Variants in NPAS3 observed in about 807,000 individuals in gnomAD.
NPAS3 encodes neuronal PAS domain protein 3.
Under a neutral mutation model 73.1 loss-of-function variants are expected in NPAS3, and 14 were observed. The ratio of observed to expected loss-of-function variants is 0.19; its 90% CI spans 0.13 to 0.30. NPAS3 has a LOEUF of 0.30. Ranked by LOEUF, NPAS3 falls within the 10% of genes least tolerant of loss-of-function variation. The pLI is 1.00. For synonymous variants in NPAS3, 620 were observed against 541.5 expected (o/e 1.14, Z -2.01); for missense variants, 1,096 against 1,250.0 (o/e 0.88, Z 1.86).
intron 1 of NPAS3, 85 bp from the exon 2 acceptor site, chr14:33,055,820 G>C (rs1389953030): frequency 1.4e-6 from 1 of 715,382 alleles, no homozygotes; most frequent in African/African-American, 1.8e-5. Flanking sequence ...AAAATATATT[G>C]AATTTCAACA....
At chr14:33,275,274 C>T (rs994606226) in intron 3 of NPAS3, among the ~76,000 whole-genome samples, 3 of 152,096 alleles carry the variant, frequency 2.0e-5, no homozygotes, top group Non-Finnish European at 4.4e-5. Flanking sequence ...TTTTATTACT[C>T]GTTAGCCACT....
At chr14:33,766,571 G>A (rs763042405) in intron 7 of NPAS3, among the ~76,000 whole-genome samples, 9 of 152,122 alleles carry the variant, frequency 5.9e-5, no homozygotes, top group Non-Finnish European at 1.3e-4. Flanking sequence ...CTGCCCTTAA[G>A]TTGAGCCCAC....
chr14:33,041,720 G>C (rs1044861012), intron 1 of NPAS3, among the ~76,000 whole-genome samples: 1 of 152,152 alleles, frequency 6.6e-6, no homozygotes, highest in Non-Finnish European at 1.5e-5. Flanking sequence ...GGAGATGAGA[G>C]ATCAGCCTCA....
At chr14:33,682,493 T>C (rs2059967490) in intron 6 of NPAS3, among the ~76,000 whole-genome samples, 1 of 152,226 alleles carries the variant, frequency 6.6e-6, no homozygotes, top group South Asian at 2.1e-4. Flanking sequence ...AGATGATGGG[T>C]GCACTCCAAA....
intron 2 of NPAS3, among the ~76,000 whole-genome samples, chr14:33,167,054 G>T (rs2045188074): frequency 6.6e-6 from 1 of 151,886 alleles, no homozygotes; most frequent in African/African-American, 2.4e-5. Context: ...TTTTCATATT[G>T]GAAATATTTC....
At chr14:33,224,982 T>C (rs997779509) in intron 3 of NPAS3, among the ~76,000 whole-genome samples, 2 of 152,154 alleles carry the variant, frequency 1.3e-5, no homozygotes, top group African/African-American at 2.4e-5. Flanking sequence ...AAAAAATCAC[T>C]AGAATTCACT....
intron 4 of NPAS3, among the ~76,000 whole-genome samples, chr14:33,384,147 TA>T (rs547035540): frequency 2.6e-3 from 371 of 140,218 alleles, no homozygotes; most frequent in African/African-American, 9.8e-3. Flanking sequence ...TTGCTGAAGT[TA>T]AAAAGAAGCA....
intron 3 of NPAS3, among the ~76,000 whole-genome samples, chr14:33,343,322 C>T (rs750872254): frequency 2.0e-5 from 3 of 152,172 alleles, no homozygotes; most frequent in Admixed American, 6.5e-5. Flanking sequence ...CCCAACATTA[C>T]AGCATAACTG....
At chr14:33,080,939 G>T (rs1055688957) in intron 2 of NPAS3, among the ~76,000 whole-genome samples, 27 of 152,180 alleles carry the variant, frequency 1.8e-4, no homozygotes, top group African/African-American at 6.3e-4. Context: ...ACTATTTCCT[G>T]AAGTGTTTCC....
intron 4 of NPAS3, among the ~76,000 whole-genome samples, chr14:33,505,815 T>A (rs1382819616): frequency 6.6e-6 from 1 of 151,954 alleles, no homozygotes; most frequent in African/African-American, 2.4e-5. Context: ...CTGATTGGCC[T>A]CCATCTCCCC....
intron 2 of NPAS3, among the ~76,000 whole-genome samples, chr14:33,118,412 TACATGTTTTTC>T (rs1186172617): frequency 6.6e-6 from 1 of 152,240 alleles, no homozygotes; most frequent in East Asian, 1.9e-4. Context: ...GGAAGAACTA[TACATGTTTTTC>T]ACAATAAATT....
At chr14:33,461,619 C>T (rs1427147112) in intron 4 of NPAS3, among the ~76,000 whole-genome samples, 1 of 152,198 alleles carries the variant, frequency 6.6e-6, no homozygotes, top group Non-Finnish European at 1.5e-5. Flanking sequence ...GTATTCCCTA[C>T]GTGACTGTTA....
intron 4 of NPAS3, among the ~76,000 whole-genome samples, chr14:33,507,709 TTC>T (rs2052835696): frequency 6.6e-6 from 1 of 152,060 alleles, no homozygotes; most frequent in South Asian, 2.1e-4. Flanking sequence ...AATTATCGAG[TTC>T]TGTTTGCAAA....
intron 4 of NPAS3, among the ~76,000 whole-genome samples, chr14:33,422,220 C>T (rs559135997): frequency 2.2e-4 from 34 of 152,012 alleles, no homozygotes; most frequent in African/African-American, 8.0e-4. Flanking sequence ...TTGAGATTCT[C>T]ATCTGAGAGT....
chr14:33,217,607 T>C (rs17100390), intron 3 of NPAS3, among the ~76,000 whole-genome samples: 16,158 of 152,190 alleles, frequency 0.11, 932 homozygotes, highest in Non-Finnish European at 0.12. Context: ...TTTACTTTCA[T>C]TGTTAAAGGG....
At chr14:33,706,043 C>A (rs2060647555) in intron 6 of NPAS3, among the ~76,000 whole-genome samples, 1 of 152,346 alleles carries the variant, frequency 6.6e-6, no homozygotes, top group African/African-American at 2.4e-5. Flanking sequence ...CTAGGGGAGG[C>A]CCTGTGGCCA....
At chr14:33,162,624 C>G (rs534775889) in intron 2 of NPAS3, among the ~76,000 whole-genome samples, 5 of 152,036 alleles carry the variant, frequency 3.3e-5, no homozygotes, top group East Asian at 1.9e-4. Context: ...ATTTCTTACT[C>G]TCTCTCCAAA....
chr14:33,329,430 G>A (rs1307602413), intron 3 of NPAS3, among the ~76,000 whole-genome samples: 1 of 152,200 alleles, frequency 6.6e-6, no homozygotes, highest in African/African-American at 2.4e-5. Context: ...GGCAGTGAAA[G>A]CCTCTCTGGG....
At chr14:33,132,253 A>G (rs1208944995) in intron 2 of NPAS3, among the ~76,000 whole-genome samples, 1 of 152,132 alleles carries the variant, frequency 6.6e-6, no homozygotes, top group Non-Finnish European at 1.5e-5. Context: ...AATGTGGGCA[A>G]TAAAAGAGGC....
Sources: gnomAD v4.1 joint callset for allele counts (sites outside exome capture counted in the v4.1 genomes callset) on GRCh38, gnomAD v4.1.1 for gene constraint, MANE v1.5 for transcripts, NCBI Gene and HGNC (gene_info 2026-07-23, HGNC 2026-07-21) for gene names.